Variants in GLT1D1 observed in about 807,000 individuals in gnomAD.
The protein encoded by GLT1D1 is glycosyltransferase 1 domain-containing protein 1.
A neutral mutation model predicts 28.7 loss-of-function variants in GLT1D1; 21 were observed. That is an observed-to-expected ratio of 0.73 (90% CI 0.52 to 1.05). The LOEUF (loss-of-function observed/expected upper bound fraction) is 1.05, where lower values mean the gene tolerates loss of function less well. Ranked by LOEUF, GLT1D1 falls within the 50% of genes least tolerant of loss-of-function variation. The probability of loss-of-function intolerance (pLI) is 0.00; values close to 1 mark genes in which losing one functional copy is unlikely to be tolerated. For missense variants in GLT1D1, 343 were observed against 330.6 expected (o/e 1.04, Z -0.29); for synonymous variants, 147 against 124.8 (o/e 1.18, Z -1.19).
intron 1 of GLT1D1, among the ~76,000 whole-genome samples, chr12:128,854,043 C>G (rs1441920862): frequency 2.0e-5 from 3 of 151,696 alleles, no homozygotes; most frequent in Non-Finnish European, 4.4e-5. Flanking sequence ...CCGGGGACCG[C>G]GGTGCCAGCC....
intron 4 of GLT1D1, among the ~76,000 whole-genome samples, chr12:128,931,298 G>A (rs1337216469): frequency 3.4e-5 from 5 of 147,042 alleles, no homozygotes; most frequent in Non-Finnish European, 4.5e-5. Context: ...ACTGCACCTG[G>A]CCACTTTTTA....
intron 6 of GLT1D1, among the ~76,000 whole-genome samples, chr12:128,952,471 T>TTCTTTC (rs796339455): frequency 7.3e-6 from 1 of 137,786 alleles, no homozygotes; most frequent in Non-Finnish European, 1.6e-5. Context: ...ATTTCTTTCT[T>TTCTTTC]TTTTTTTTTT....
chr12:128,901,675 T>G (rs1283952572), intron 4 of GLT1D1, among the ~76,000 whole-genome samples: 1 of 148,928 alleles, frequency 6.7e-6, no homozygotes, highest in Non-Finnish European at 1.5e-5. Flanking sequence ...GACCTTGTGA[T>G]CCACCCACCT....
At chr12:128,906,709 G>GT (rs1322770906) in intron 4 of GLT1D1, among the ~76,000 whole-genome samples, 2 of 150,236 alleles carry the variant, frequency 1.3e-5, no homozygotes. Flanking sequence ...TTAGAGTGAG[G>GT]TTTTTCTTTT....
chr12:128,920,261 G>A (rs1006569854), intron 4 of GLT1D1, among the ~76,000 whole-genome samples: 1 of 152,162 alleles, frequency 6.6e-6, no homozygotes, highest in African/African-American at 2.4e-5. Context: ...ATAATGAAGA[G>A]TGTGTCCTGG....
intron 1 of GLT1D1, among the ~76,000 whole-genome samples, chr12:128,869,322 A>T (rs553471753): frequency 2.5e-4 from 38 of 152,058 alleles, no homozygotes; most frequent in African/African-American, 8.9e-4. Flanking sequence ...GGCGTGAACC[A>T]CCACGCCTGG....
At chr12:128,913,584 A>G (rs1021405516) in intron 4 of GLT1D1, among the ~76,000 whole-genome samples, 21 of 152,238 alleles carry the variant, frequency 1.4e-4, no homozygotes, top group African/African-American at 4.8e-4. Flanking sequence ...ACTAGATCCA[A>G]GGAAGAACAT....
chr12:128,904,217 A>G (rs1870601974), intron 4 of GLT1D1, among the ~76,000 whole-genome samples: 1 of 151,874 alleles, frequency 6.6e-6, no homozygotes, highest in South Asian at 2.1e-4. Flanking sequence ...TTCAAAAATT[A>G]CCAATATCAT....
At chr12:128,874,150 CTTTCTTTCTT>C (rs1566091629) in intron 1 of GLT1D1, among the ~76,000 whole-genome samples, 9 of 121,426 alleles carry the variant, frequency 7.4e-5, no homozygotes, top group African/African-American at 2.8e-4. Context: ...TTCTTTCTTT[CTTTCTTTCTT>C]TCTTTCTTTC....
chr12:128,931,923 A>ACGCACGCG (rs375272650), intron 4 of GLT1D1, among the ~76,000 whole-genome samples: 1 of 140,272 alleles, frequency 7.1e-6, no homozygotes. Context: ...GCACGCACAC[A>ACGCACGCG]CACACACACA....
In GLT1D1 at chr12:128,899,242, T is replaced by C; in HGVS notation, c.330T>C (p.Ala110=). 1 of 1,612,126 alleles carries C rather than the reference T, an allele frequency of 6.2e-7. No individual in the cohort carries two copies. Among genetic ancestry groups the C allele is most frequent in the South Asian group, 1.1e-5 (1 of 91,048 alleles). ...ATTTTTGTTCATTTACTAGATTTGC[T>C]GTCGCTTTCACAGAGTCAATGAAGG... Residue 110 remains alanine, a synonymous_variant, in exon 4 of 8, where the codon GCT becomes GCC. Coordinates refer to ENST00000281703, the MANE Select transcript of GLT1D1 (RefSeq NM_144669.3).
In GLT1D1 at chr12:128,927,089, C is replaced by CT. The variant is rs1566139991; in HGVS notation, c.376-18231dup. ...CCCATTTGAAGTGTTTTTTTGTCTT[C>CT]TTTTTTCTTCCCAAGCCTGGCATCA... is the stretch of plus-strand genomic sequence containing the variant. On this transcript the variant is annotated intron_variant, in intron 4 of 7. Coordinates refer to ENST00000281703, the MANE Select transcript of GLT1D1 (RefSeq NM_144669.3). 6.5e-7 allele frequency: 1 copy of CT among 1,533,470 alleles called. No individual in the cohort carries two copies. Among genetic ancestry groups the CT allele is most frequent in the South Asian group, 1.2e-5 (1 of 83,844 alleles). 95.0% of individuals were successfully genotyped at this position (1,533,470 alleles called of 1,614,324 possible). A position where few individuals can be genotyped will look rare whatever the true frequency, so the allele number is the denominator to read the frequency against.
chr12:128,903,719 T>A (rs1440766016), intron 4 of GLT1D1, among the ~76,000 whole-genome samples: 2 of 151,570 alleles, frequency 1.3e-5, no homozygotes, highest in African/African-American at 2.4e-5. Context: ...AACCTTTTGG[T>A]TTTTTTAAAT....
intron 2 of GLT1D1, among the ~76,000 whole-genome samples, chr12:128,886,071 G>A (rs775461571): frequency 9.2e-5 from 14 of 152,132 alleles, no homozygotes; most frequent in Admixed American, 3.9e-4. Flanking sequence ...TTTTATAAAG[G>A]GGAGTTTCCC....
At chr12:128,874,244 C>T (rs1252010105) in intron 1 of GLT1D1, among the ~76,000 whole-genome samples, 1 of 149,688 alleles carries the variant, frequency 6.7e-6, no homozygotes, top group Non-Finnish European at 1.5e-5. Context: ...TGCAGTGGCA[C>T]GATCTTGGCT....
At chr12:128,874,178 TTTTCTCTTTC>T (rs1956816084) in intron 1 of GLT1D1, among the ~76,000 whole-genome samples, 1 of 132,000 alleles carries the variant, frequency 7.6e-6, no homozygotes, top group Non-Finnish European at 1.6e-5. Flanking sequence ...TTCTTTCTTT[TTTTCTCTTTC>T]TTTCTCTCTT....
intron 3 of GLT1D1, among the ~76,000 whole-genome samples, chr12:128,898,883 G>C (rs979785758): frequency 2.6e-5 from 4 of 152,216 alleles, no homozygotes; most frequent in Non-Finnish European, 5.9e-5. Flanking sequence ...TAGTGGAGTG[G>C]ACAGGCTGCC....
intron 7 of GLT1D1, among the ~76,000 whole-genome samples, chr12:128,969,268 GCT>G (rs778404173): frequency 7.3e-5 from 11 of 150,224 alleles, no homozygotes; most frequent in Admixed American, 6.6e-4. Flanking sequence ...TCAGTCTCTA[GCT>G]CTCTCTCTCA....
intron 4 of GLT1D1, among the ~76,000 whole-genome samples, chr12:128,914,670 A>T (rs563611799): frequency 6.6e-6 from 1 of 151,788 alleles, no homozygotes; most frequent in Non-Finnish European, 1.5e-5. Flanking sequence ...AAATACAAAA[A>T]TTAGCCGGGT....
Sources: allele counts gnomAD v4.1 joint callset (sites outside exome capture counted in the v4.1 genomes callset), GRCh38; gene constraint gnomAD v4.1.1; transcripts MANE v1.5; gene names NCBI Gene and HGNC (gene_info 2026-07-23, HGNC 2026-07-21).